KCND2: variants seen among roughly 807,000 people sequenced by gnomAD.
KCND2 encodes the protein A-type voltage-gated potassium channel KCND2.
KCND2 carries 16 observed loss-of-function variants against 54.4 expected under a neutral mutation model. The ratio of observed to expected loss-of-function variants is 0.29; its 90% CI spans 0.20 to 0.45. The LOEUF is 0.45. KCND2 is among the 20% of genes least tolerant of loss of function. The probability of loss-of-function intolerance (pLI) is 1.00; values close to 1 mark genes in which losing one functional copy is unlikely to be tolerated. For missense variants in KCND2, 486 were observed against 824.2 expected (o/e 0.59, Z 5.02); for synonymous variants, 317 against 310.7 (o/e 1.02, Z -0.21).
At chr7:120,395,429 A>G (rs1251594710) in intron 1 of KCND2, among the ~76,000 whole-genome samples, 1 of 152,038 alleles carries the variant, frequency 6.6e-6, no homozygotes, top group Non-Finnish European at 1.5e-5. Flanking sequence ...TGGAAATTGC[A>G]GTTTTCCTTC....
chr7:120,348,594 T>TA (rs1800358378), intron 1 of KCND2, among the ~76,000 whole-genome samples: 1 of 152,132 alleles, frequency 6.6e-6, no homozygotes, highest in Non-Finnish European at 1.5e-5. Context: ...GGGATTCACA[T>TA]AGTCAAATTA....
intron 1 of KCND2, among the ~76,000 whole-genome samples, chr7:120,414,219 G>C (rs1352869756): frequency 6.6e-6 from 1 of 152,044 alleles, no homozygotes; most frequent in African/African-American, 2.4e-5. Flanking sequence ...AATTTGTATA[G>C]AGAGTGTGAT....
chr7:120,434,255 C>T (rs1801834801), intron 1 of KCND2, among the ~76,000 whole-genome samples: 1 of 152,196 alleles, frequency 6.6e-6, no homozygotes, highest in Admixed American at 6.5e-5. Context: ...TTGAGTAAAA[C>T]ACAAGAGGCA....
intron 2 of KCND2, among the ~76,000 whole-genome samples, chr7:120,738,944 C>T (rs1043737775): frequency 2.0e-5 from 3 of 152,110 alleles, no homozygotes; most frequent in East Asian, 1.9e-4. Context: ...GAATTGTAGT[C>T]GGGTCAAAGA....
intron 1 of KCND2, among the ~76,000 whole-genome samples, chr7:120,662,170 C>T (rs539895820): frequency 2.4e-4 from 36 of 152,122 alleles, no homozygotes; most frequent in African/African-American, 8.2e-4. Flanking sequence ...CTGAAAAATC[C>T]CAAGATAGTA....
At chr7:120,489,592 A>AT (rs1315124686) in intron 1 of KCND2, among the ~76,000 whole-genome samples, 1 of 152,098 alleles carries the variant, frequency 6.6e-6, no homozygotes, top group Non-Finnish European at 1.5e-5. Context: ...TTATAAAGTT[A>AT]TTTTTTCATA....
intron 1 of KCND2, among the ~76,000 whole-genome samples, chr7:120,353,682 G>A (rs1043675677): frequency 6.6e-6 from 1 of 152,118 alleles, no homozygotes; most frequent in African/African-American, 2.4e-5. Flanking sequence ...AAAGGGCACA[G>A]GAATGCTCAA....
intron 1 of KCND2, among the ~76,000 whole-genome samples, chr7:120,547,487 G>C (rs1340610432): frequency 6.6e-6 from 1 of 151,892 alleles, no homozygotes; most frequent in Non-Finnish European, 1.5e-5. Context: ...ATGACAAGCA[G>C]AAACTCATAG....
intron 1 of KCND2, among the ~76,000 whole-genome samples, chr7:120,342,409 GAT>G (rs1469204593): frequency 2.0e-5 from 3 of 152,140 alleles, no homozygotes; most frequent in Non-Finnish European, 4.4e-5. Context: ...CTGTAACAAA[GAT>G]AGACTTCTGA....
chr7:120,710,240 G>T (rs1046516081), intron 1 of KCND2, among the ~76,000 whole-genome samples: 20 of 152,106 alleles, frequency 1.3e-4, no homozygotes, highest in Non-Finnish European at 2.2e-4. Context: ...ATTGTAACTG[G>T]CAAAGGAGGC....
chr7:120,336,153 T>A (rs73431930), intron 1 of KCND2, among the ~76,000 whole-genome samples: 2,046 of 152,316 alleles, frequency 0.013, 47 homozygotes, highest in African/African-American at 0.044. Flanking sequence ...CCAAACGCAC[T>A]GCTCAAGAAT....
At chr7:120,276,621 C>A (rs1300912369) in intron 1 of KCND2, among the ~76,000 whole-genome samples, 1 of 151,906 alleles carries the variant, frequency 6.6e-6, no homozygotes. Flanking sequence ...TTTGTGAATT[C>A]TTTTTTGGGG....
intron 1 of KCND2, among the ~76,000 whole-genome samples, chr7:120,547,793 A>G (rs993074137): frequency 1.3e-5 from 2 of 151,988 alleles, no homozygotes; most frequent in Admixed American, 6.6e-5. Context: ...TCATCACGTG[A>G]TTGATGTGCA....
chr7:120,399,687 A>G (rs1801215165), intron 1 of KCND2, among the ~76,000 whole-genome samples: 1 of 150,354 alleles, frequency 6.7e-6, no homozygotes, highest in Non-Finnish European at 1.5e-5. Flanking sequence ...AACCCTAGCT[A>G]ATTTTATTTT....
rs143852308 is a variant in KCND2, at chr7:120,492,539, C to T, written c.1115+216792C>T. ...GTTAGGAAGCCCAAGATCAAGACAC[C>T]AGTATATTCAGTGTCTGGCAAAGTC... On this transcript the variant is annotated intron_variant, in intron 1 of 5. Transcript: ENST00000331113. 4.8e-3 allele frequency among the ~76,000 whole-genome samples: 726 copies of T among 152,078 alleles called. 5 individuals are homozygous for T. Among genetic ancestry groups the T allele is most frequent in the Non-Finnish European group, 7.0e-3 (479 of 67,956 alleles).
chr7:120,443,138 A>G (rs1292706610), intron 1 of KCND2, among the ~76,000 whole-genome samples: 3 of 152,026 alleles, frequency 2.0e-5, no homozygotes, highest in Non-Finnish European at 4.4e-5. Context: ...TCCACTAATC[A>G]GGATGAGCTG....
In KCND2 at chr7:120,534,452, C is replaced by T. The variant is rs563308964; in HGVS notation, c.1116-198451C>T. ...CCAAATGAGTATTCCTCAAGGCTCT[C>T]AAGGCCATCTAAACAAACAAACAAA... On this transcript the variant is annotated intron_variant, in intron 1 of 5. Transcript: ENST00000331113. 2.6e-5 allele frequency among the ~76,000 whole-genome samples: 4 copies of T among 152,160 alleles called. No individual in the cohort carries two copies. The East Asian group carries it at 5.8e-4, about 22-fold the overall frequency.
At chr7:120,415,459 G>T (rs1254068671) in intron 1 of KCND2, among the ~76,000 whole-genome samples, 1 of 151,996 alleles carries the variant, frequency 6.6e-6, no homozygotes, top group Non-Finnish European at 1.5e-5. Context: ...AAGTTTTTGG[G>T]TATTCTGCCT....
intron 1 of KCND2, among the ~76,000 whole-genome samples, chr7:120,318,062 A>G (rs1799839314): frequency 6.6e-6 from 1 of 152,164 alleles, no homozygotes; most frequent in African/African-American, 2.4e-5. Flanking sequence ...GGGTTATGAA[A>G]TGTTAGATTT....
Sources: allele counts gnomAD v4.1 joint callset (sites outside exome capture counted in the v4.1 genomes callset), GRCh38; gene constraint gnomAD v4.1.1; transcripts MANE v1.5; gene names NCBI Gene and HGNC (gene_info 2026-07-23, HGNC 2026-07-21).